Variants in PTPRD observed in about 807,000 individuals in gnomAD.
PTPRD encodes the protein protein tyrosine phosphatase receptor type D.
In PTPRD, 34 loss-of-function variants were observed where a neutral mutation model predicts 214.5. The observed-to-expected ratio is 0.16, with a 90% CI of 0.12 to 0.21. The LOEUF is 0.21. Among genes scored for constraint, PTPRD ranks in the 10% least tolerant of loss-of-function variants. PTPRD has a pLI of 1.00. For missense variants in PTPRD, 2,545 were observed against 2,398.7 expected (o/e 1.06, Z -1.27); for synonymous variants, 1,128 against 845.7 (o/e 1.33, Z -5.79).
chr9:9,047,296 A>G (rs2099674617), intron 10 of PTPRD, among the ~76,000 whole-genome samples: 1 of 152,150 alleles, frequency 6.6e-6, no homozygotes, highest in Admixed American at 6.6e-5. Flanking sequence ...TATGGATTGG[A>G]AGAATCAATA....
chr9:9,271,000 T>C (rs1359312951), intron 9 of PTPRD, among the ~76,000 whole-genome samples: 12 of 151,204 alleles, frequency 7.9e-5, no homozygotes, highest in Non-Finnish European at 1.8e-4. Flanking sequence ...GCTTTGAGGG[T>C]TGGGGATAAA....
intron 11 of PTPRD, among the ~76,000 whole-genome samples, chr9:8,889,444 G>C (rs1382216511): frequency 6.6e-6 from 1 of 152,042 alleles, no homozygotes; most frequent in Non-Finnish European, 1.5e-5. Flanking sequence ...GCCTAATTCA[G>C]GGCCCATATA....
intron 35 of PTPRD, among the ~76,000 whole-genome samples, chr9:8,423,708 T>A (rs2094497841): frequency 6.6e-6 from 1 of 152,124 alleles, no homozygotes; most frequent in Non-Finnish European, 1.5e-5. Flanking sequence ...GACAAGTAGG[T>A]AGACTCTGGT....
chr9:9,709,976 C>T (rs1374241394), intron 7 of PTPRD, among the ~76,000 whole-genome samples: 7 of 151,778 alleles, frequency 4.6e-5, no homozygotes, highest in East Asian at 3.9e-4. Flanking sequence ...AGTCTGAAGG[C>T]GCTATAGTTC....
intron 7 of PTPRD, among the ~76,000 whole-genome samples, chr9:9,696,763 CTT>C (rs996872113): frequency 8.6e-5 from 13 of 152,032 alleles, no homozygotes; most frequent in African/African-American, 3.1e-4. Flanking sequence ...TTCAGACACT[CTT>C]TGCCATTTAA....
At chr9:8,332,095 A>AAAATGGAACATAT (rs996877316) in intron 43 of PTPRD, among the ~76,000 whole-genome samples, 1 of 108,626 alleles carries the variant, frequency 9.2e-6, no homozygotes, top group Non-Finnish European at 1.8e-5. Flanking sequence ...CATTCCTTCC[A>AAAATGGAACATAT]AAATGGAACA....
chr9:9,553,711 C>G (rs1276316423), intron 8 of PTPRD, among the ~76,000 whole-genome samples: 2 of 151,566 alleles, frequency 1.3e-5, no homozygotes, highest in Non-Finnish European at 2.9e-5. Context: ...GACTTCCTAG[C>G]AAGCTATTCA....
intron 10 of PTPRD, among the ~76,000 whole-genome samples, chr9:9,099,655 A>G (rs1338472926): frequency 1.3e-5 from 2 of 152,212 alleles, no homozygotes; most frequent in African/African-American, 4.8e-5. Flanking sequence ...TATGTTTTTA[A>G]GAATAAAAAT....
chr9:9,977,539 G>C (rs2095401218), intron 4 of PTPRD, among the ~76,000 whole-genome samples: 1 of 152,066 alleles, frequency 6.6e-6, no homozygotes, highest in Non-Finnish European at 1.5e-5. Context: ...GAAACAAGGA[G>C]GTAAGTGATT....
intron 2 of PTPRD, among the ~76,000 whole-genome samples, chr9:10,466,075 T>C (rs2098991485): frequency 6.6e-6 from 1 of 152,210 alleles, no homozygotes; most frequent in Non-Finnish European, 1.5e-5. Flanking sequence ...CTGGGGATAC[T>C]ACTGTGATGC....
chr9:10,340,417 A>G (rs1404617272), intron 3 of PTPRD, among the ~76,000 whole-genome samples: 1 of 151,894 alleles, frequency 6.6e-6, no homozygotes, highest in African/African-American at 2.4e-5. Context: ...ACAGCTGGCT[A>G]TATCACACCA....
At chr9:10,122,067 G>A (rs1464549679) in intron 3 of PTPRD, among the ~76,000 whole-genome samples, 3 of 152,184 alleles carry the variant, frequency 2.0e-5, no homozygotes, top group Non-Finnish European at 4.4e-5. Flanking sequence ...CAGCATTGTG[G>A]GAGGTCAAGG....
At chr9:9,118,014 T>C (rs543293794) in intron 10 of PTPRD, among the ~76,000 whole-genome samples, 3 of 152,284 alleles carry the variant, frequency 2.0e-5, no homozygotes, top group South Asian at 2.1e-4. Flanking sequence ...GACAGGGACA[T>C]GCAAGTGAGG....
chr9:10,530,403 G>A lies in PTPRD; in HGVS notation c.-600+81995C>T, dbSNP rs1372797587. ...AAAGTTTAAACCCCATGCAAATGGA[G>A]TACATCTTTTTTACAAACTCACTTT... On this transcript the variant is annotated intron_variant, in intron 2 of 45. Transcript: ENST00000381196. Among the ~76,000 whole-genome samples, 3 of 152,290 alleles carry A rather than the reference G, an allele frequency of 2.0e-5. No individual in the cohort carries two copies. In the East Asian group the frequency reaches 5.8e-4, roughly 29 times the overall value.
At position 9,744,566 on chromosome 9, in the gene PTPRD, C is replaced by T. The variant is rs73392868; in HGVS notation, c.-325-9995G>A. On this transcript the variant is annotated intron_variant, in intron 6 of 45. Coordinates refer to ENST00000381196, the MANE Select transcript of PTPRD (RefSeq NM_002839.4). ...ATAACCTTTGCTATTGTAGCAATGT[C>T]TTCTCTAATGACATAAGTGAACACT... 6.1e-3 allele frequency among the ~76,000 whole-genome samples: 921 copies of T among 152,062 alleles called. 10 individuals are homozygous for T. Among genetic ancestry groups the T allele is most frequent in the African/African-American group, 0.021 (867 of 41,506 alleles).
chr9:8,449,799 G>C lies in PTPRD; in HGVS notation c.3914C>G (p.Pro1305Arg). Residue 1305 changes from proline to arginine, a missense_variant, in exon 34 of 46, where the codon CCG becomes CGG. Pro to Arg is a moderately radical substitution (Grantham distance 103). Transcript: ENST00000381196. ...AESDSRKSSI[P>R]NNKEIPSHHP... ...GTGTGAAGGGATCTCCTTATTGTTC[G>C]GTATGCTGCTTTTTCTAGAGTCGGA... The C allele has an allele frequency of 6.2e-7, 1 of 1,613,906 alleles. No homozygotes were observed. The highest frequency in any genetic ancestry group is 8.5e-7 in the Non-Finnish European group (1 of 1,179,928).
chr9:10,054,714 C>T (rs1267384742), intron 3 of PTPRD, among the ~76,000 whole-genome samples: 3 of 152,082 alleles, frequency 2.0e-5, no homozygotes, highest in Non-Finnish European at 2.9e-5. Flanking sequence ...ATCACACTGA[C>T]CAGGCTTTCA....
intron 10 of PTPRD, among the ~76,000 whole-genome samples, chr9:9,142,576 A>G (rs1218799899): frequency 1.3e-5 from 2 of 152,176 alleles, no homozygotes; most frequent in African/African-American, 4.8e-5. Context: ...TTGTATTTTA[A>G]TATTTTCTAA....
chr9:9,885,022 A>G (rs192116021), intron 5 of PTPRD, among the ~76,000 whole-genome samples: 2 of 152,222 alleles, frequency 1.3e-5, no homozygotes, highest in South Asian at 2.1e-4. Flanking sequence ...TGGCATCTAG[A>G]GGAAAGGAGA....
Sources: allele counts gnomAD v4.1 joint callset (sites outside exome capture counted in the v4.1 genomes callset), GRCh38; gene constraint gnomAD v4.1.1; transcripts MANE v1.5; gene names NCBI Gene and HGNC (gene_info 2026-07-23, HGNC 2026-07-21).